The following UMAD1 variants were observed in gnomAD, a reference collection of about 807,000 sequenced individuals.
The protein encoded by UMAD1 is UBAP1-MVB12-associated (UMA) domain containing 1.
In UMAD1, 8 loss-of-function variants were observed where a neutral mutation model predicts 6.1. The observed-to-expected ratio is 1.30, with a 90% CI of 0.76 to 2.35. The LOEUF is 2.35. Among genes scored for constraint, UMAD1 ranks in the 30% most tolerant of loss-of-function variants. The pLI is 0.00. For synonymous variants in UMAD1, 56 were observed against 31.4 expected (o/e 1.78, Z -2.61); for missense variants, 130 against 78.4 (o/e 1.66, Z -2.49).
chr7:7,853,439 A>G (rs1055149650), intron 3 of UMAD1, among the ~76,000 whole-genome samples: 1 of 152,092 alleles, frequency 6.6e-6, no homozygotes, highest in Admixed American at 6.6e-5. Flanking sequence ...CTTCTGATAC[A>G]TGAGCGTGGG....
chr7:7,751,240 A>G (rs1029156875), intron 2 of UMAD1, among the ~76,000 whole-genome samples: 1 of 152,170 alleles, frequency 6.6e-6, no homozygotes, highest in Non-Finnish European at 1.5e-5. Context: ...ATTTTAGCCC[A>G]TATTTTATAA....
chr7:7,709,888 C>T (rs1377844938), intron 2 of UMAD1, among the ~76,000 whole-genome samples: 1 of 151,990 alleles, frequency 6.6e-6, no homozygotes, highest in Non-Finnish European at 1.5e-5. Context: ...CCTTGAAGTT[C>T]TCTAAGTCTT....
At chr7:7,857,401 T>C (rs1214630475) in intron 3 of UMAD1, among the ~76,000 whole-genome samples, 1 of 152,234 alleles carries the variant, frequency 6.6e-6, no homozygotes, top group Non-Finnish European at 1.5e-5. Flanking sequence ...TTTCATTTCC[T>C]GAGAACAGAT....
chr7:7,712,447 GA>G (rs1260848224), intron 2 of UMAD1, among the ~76,000 whole-genome samples: 1 of 151,948 alleles, frequency 6.6e-6, no homozygotes, highest in Admixed American at 6.6e-5. Context: ...TTTATTCTTA[GA>G]GTGCTTTTTT....
chr7:7,721,984 C>G (rs993057261), intron 2 of UMAD1, among the ~76,000 whole-genome samples: 1 of 152,042 alleles, frequency 6.6e-6, no homozygotes, highest in African/African-American at 2.4e-5. Flanking sequence ...GGCTTAGCCT[C>G]CTAGCCTACA....
chr7:7,862,823 C>CA (rs1784138914), intron 3 of UMAD1, among the ~76,000 whole-genome samples: 1 of 151,764 alleles, frequency 6.6e-6, no homozygotes. Context: ...AAAAACAAAA[C>CA]AAAAAACAAA....
chr7:7,854,069 G>A (rs926822485), intron 3 of UMAD1, among the ~76,000 whole-genome samples: 4 of 152,036 alleles, frequency 2.6e-5, no homozygotes, highest in African/African-American at 9.7e-5. Flanking sequence ...AAAGAAAAGA[G>A]GTTTAGCCAG....
intron 2 of UMAD1, among the ~76,000 whole-genome samples, chr7:7,762,049 A>G (rs570542802): frequency 6.6e-6 from 1 of 152,330 alleles, no homozygotes; most frequent in East Asian, 1.9e-4. Context: ...TTAGGGACTA[A>G]GGGCGTGCCA....
chr7:7,722,267 C>T (rs554156188), intron 2 of UMAD1, among the ~76,000 whole-genome samples: 16 of 151,020 alleles, frequency 1.1e-4, no homozygotes, highest in Admixed American at 2.0e-4. Context: ...GATTTTGGTA[C>T]GAGGAGTGGT....
At chr7:7,844,403 A>T (rs1783744956) in intron 3 of UMAD1, among the ~76,000 whole-genome samples, 1 of 152,066 alleles carries the variant, frequency 6.6e-6, no homozygotes, top group Non-Finnish European at 1.5e-5. Context: ...GGTTGTTTTA[A>T]AGTGTCCTAC....
chr7:7,875,974 AG>A (rs1300019540), intron 3 of UMAD1, among the ~76,000 whole-genome samples: 16 of 152,226 alleles, frequency 1.1e-4, no homozygotes, highest in African/African-American at 3.9e-4. Context: ...GCTACTTGGG[AG>A]GCTGAGACAG....
intron 3 of UMAD1, among the ~76,000 whole-genome samples, chr7:7,825,276 T>C (rs990906677): frequency 1.3e-5 from 2 of 152,212 alleles, no homozygotes; most frequent in Non-Finnish European, 2.9e-5. Flanking sequence ...GTCAATTATA[T>C]TGATACGTTA....
chr7:7,743,484 A>G (rs1195767366), intron 2 of UMAD1, among the ~76,000 whole-genome samples: 1 of 152,082 alleles, frequency 6.6e-6, no homozygotes, highest in African/African-American at 2.4e-5. Context: ...AGATGTTTTG[A>G]TATCTTTTAC....
chr7:7,844,059 A>G (rs898313050), intron 3 of UMAD1, among the ~76,000 whole-genome samples: 2 of 152,206 alleles, frequency 1.3e-5, no homozygotes, highest in African/African-American at 4.8e-5. Context: ...TAATGCCTGA[A>G]TACTTATCCT....
chr7:7,864,102 C>T (rs957242956), intron 3 of UMAD1, among the ~76,000 whole-genome samples: 5 of 152,140 alleles, frequency 3.3e-5, no homozygotes, highest in Non-Finnish European at 7.3e-5. Context: ...CAACCATGCC[C>T]GATTTTATGC....
chr7:7,844,259 G>A (rs75965632), intron 3 of UMAD1, among the ~76,000 whole-genome samples: 3,588 of 152,150 alleles, frequency 0.024, 64 homozygotes, highest in Non-Finnish European at 0.037. Flanking sequence ...GAAACTGGTT[G>A]ACATGAGGGC....
At chr7:7,854,075 G>A (rs939355398) in intron 3 of UMAD1, among the ~76,000 whole-genome samples, 4 of 152,090 alleles carry the variant, frequency 2.6e-5, no homozygotes, top group African/African-American at 9.7e-5. Flanking sequence ...AAGAGGTTTA[G>A]CCAGGTGCCA....
chr7:7,842,849 C>T (rs1381751972), intron 3 of UMAD1, among the ~76,000 whole-genome samples: 1 of 152,126 alleles, frequency 6.6e-6, no homozygotes, highest in Non-Finnish European at 1.5e-5. Context: ...GGGAGGAAGA[C>T]AGAATACAGT....
chr7:7,712,230 G>T (rs1450806151), intron 2 of UMAD1, among the ~76,000 whole-genome samples: 1 of 151,996 alleles, frequency 6.6e-6, no homozygotes, highest in Non-Finnish European at 1.5e-5. Flanking sequence ...ATAACAGATG[G>T]ATAATCACTC....
Sources: allele counts gnomAD v4.1 joint callset (sites outside exome capture counted in the v4.1 genomes callset), GRCh38; gene constraint gnomAD v4.1.1; transcripts MANE v1.5; gene names NCBI Gene and HGNC (gene_info 2026-07-23, HGNC 2026-07-21).